The following EFL1 variants were observed in gnomAD, a reference collection of about 807,000 sequenced individuals.
The protein encoded by EFL1 is elongation factor-like GTPase 1.
A neutral mutation model predicts 126.7 loss-of-function variants in EFL1; 76 were observed. The ratio of observed to expected loss-of-function variants is 0.60; its 90% CI spans 0.50 to 0.73. EFL1 has a LOEUF of 0.73. EFL1 is among the 30% of genes least tolerant of loss of function. The probability of loss-of-function intolerance (pLI) is 0.00; values close to 1 mark genes in which losing one functional copy is unlikely to be tolerated. For synonymous variants in EFL1, 410 were observed against 448.4 expected, an observed-to-expected ratio of 0.91 and a Z score of 1.08; for missense variants, 1,128 against 1,343.2, an observed-to-expected ratio of 0.84 and a Z score of 2.50.
chr15:82,223,438 G>A (rs1253690926), intron 12 of EFL1, among the ~76,000 whole-genome samples: 1 of 152,052 alleles, frequency 6.6e-6, no homozygotes, highest in Admixed American at 6.6e-5. Flanking sequence ...AGAATGGATT[G>A]CACTATCAGA....
intron 19 of EFL1, among the ~76,000 whole-genome samples, chr15:82,131,279 CTTATTA>C (rs1374913257): frequency 6.6e-6 from 1 of 152,086 alleles, no homozygotes; most frequent in African/African-American, 2.4e-5. Flanking sequence ...TAACTACACT[CTTATTA>C]TTATTACATA....
intron 18 of EFL1, among the ~76,000 whole-genome samples, chr15:82,145,937 A>T (rs1392960256): frequency 2.0e-5 from 3 of 152,036 alleles, no homozygotes; most frequent in Non-Finnish European, 4.4e-5. Context: ...AAGATTTTTT[A>T]AAAATGAAGA....
chr15:82,228,205 G>A lies in EFL1; in HGVS notation c.1055C>T (p.Ser352Phe). ...ATAAAGGATACCAAGAACAGCATGG[G>A]ATATGGGTAGCCACTGACTGCAAAT... ...NAICSQWLPI[S>F]HAVLAMVCQK... The change falls in exon 10 of 20, where the codon TCC becomes TTC. Residue 352 changes from serine to phenylalanine, a missense_variant. Physicochemically the swap from Ser to Phe is radical, Grantham distance 155 (BLOSUM62 -2). Around this residue, in one of 6 missense-constraint regions of EFL1, gnomAD observed 316 missense variants for 318.5 expected, o/e 0.99. Transcript: ENST00000268206. 1 of 1,613,096 alleles carries A rather than the reference G, an allele frequency of 6.2e-7. No individual in the cohort carries two copies. Among genetic ancestry groups the A allele is most frequent in the Non-Finnish European group, 8.5e-7 (1 of 1,179,756 alleles).
chr15:82,219,414 C>T (rs1253454022), intron 14 of EFL1, among the ~76,000 whole-genome samples: 1 of 152,170 alleles, frequency 6.6e-6, no homozygotes, highest in Non-Finnish European at 1.5e-5. Context: ...AGAGAAAAGC[C>T]TTATAATTAA....
intron 15 of EFL1, among the ~76,000 whole-genome samples, chr15:82,203,973 T>C (rs538735841): frequency 2.6e-5 from 4 of 152,334 alleles, no homozygotes; most frequent in East Asian, 1.9e-4. Context: ...GATTGCTACA[T>C]CCTGTTGTCA....
At chr15:82,161,775 T>C (rs1474357409) in intron 16 of EFL1, among the ~76,000 whole-genome samples, 1 of 152,172 alleles carries the variant, frequency 6.6e-6, no homozygotes, top group Non-Finnish European at 1.5e-5. Flanking sequence ...ATCTCATTTA[T>C]GGAAAGGAAA....
intron 15 of EFL1, among the ~76,000 whole-genome samples, chr15:82,173,075 T>G (rs2074153803): frequency 6.6e-6 from 1 of 152,030 alleles, no homozygotes; most frequent in Non-Finnish European, 1.5e-5. Context: ...AAAAAAATGT[T>G]CAAAAGTATT....
chr15:82,171,669 C>T (rs1297591423), intron 15 of EFL1, among the ~76,000 whole-genome samples: 2 of 152,018 alleles, frequency 1.3e-5, no homozygotes, highest in Non-Finnish European at 2.9e-5. Context: ...AACTTCAAAA[C>T]AAAAGATACC....
intron 15 of EFL1, among the ~76,000 whole-genome samples, chr15:82,207,305 T>TACAC (rs533413907): frequency 0.056 from 6,813 of 122,528 alleles, 228 homozygotes; most frequent in African/African-American, 0.11. Context: ...TATATATATA[T>TACAC]ATACACACAC....
chr15:82,147,232 C>T (rs1465337563), intron 18 of EFL1, among the ~76,000 whole-genome samples: 1 of 152,096 alleles, frequency 6.6e-6, no homozygotes. Flanking sequence ...AGATGGCAAT[C>T]TGGGGAGAAA....
rs1283732604 is a variant in EFL1, at chr15:82,138,753, C to G, written c.3079G>C (p.Val1027Leu). ...CCAAAGCTTTCAGCAACAGGCAGCA[C>G]AGCCTTGATGATGAACATGTCTGTC... Reference protein sequence around the residue: ...EGTDMFIIKAVLPVAESFGFA... With the variant: ...EGTDMFIIKALLPVAESFGFA... The change falls in exon 19 of 20, where the codon GTG (valine) becomes CTG (leucine). Residue 1027 changes from valine to leucine, a missense_variant. Physicochemically the swap from Val to Leu is conservative, Grantham distance 32. Around this residue, in one of 6 missense-constraint regions of EFL1, gnomAD observed 561 missense variants for 641.7 expected, o/e 0.87. Coordinates refer to ENST00000268206, the MANE Select transcript of EFL1 (RefSeq NM_024580.6). The G allele has an allele frequency of 6.2e-7, 1 of 1,614,048 alleles. No homozygotes were observed. The highest frequency in any genetic ancestry group is 1.1e-5 in the South Asian group (1 of 91,076).
At chr15:82,143,379 A>C (rs1262750115) in intron 18 of EFL1, among the ~76,000 whole-genome samples, 1 of 152,240 alleles carries the variant, frequency 6.6e-6, no homozygotes, top group Admixed American at 6.5e-5. Flanking sequence ...GAAAATGGGA[A>C]ATAAAGTTGG....
At chr15:82,256,547 G>A (rs1158261904) in intron 3 of EFL1, among the ~76,000 whole-genome samples, 1 of 152,174 alleles carries the variant, frequency 6.6e-6, no homozygotes, top group Non-Finnish European at 1.5e-5. Context: ...GGGTGTGACA[G>A]CCATTCTTGC....
intron 16 of EFL1, 22 bp from the exon 17 acceptor site, chr15:82,157,882 G>T: frequency 6.2e-7 from 1 of 1,603,322 alleles, no homozygotes; most frequent in South Asian, 1.1e-5. Context: ...AAACGAAATA[G>T]ATTAAATATG....
rs573037188 is a variant in EFL1, at chr15:82,130,685, C to T, written c.3175-124G>A. 5.4e-5 allele frequency: 54 copies of T among 998,074 alleles called. 1 individual carries two copies. The South Asian group carries it at 8.8e-4, about 16-fold the overall frequency. The allele number at this position is 998,074 out of a possible 1,614,324, so 61.8% of individuals were successfully genotyped here. On this transcript the variant is annotated intron_variant, in intron 19 of 19. Transcript: ENST00000268206. ...AAAAGTTAGGCAATGAACAGCTAAGCTTGCTAGGAATGGTAATAAGTATGA... is the reference window on the plus strand; with the variant it reads ...AAAAGTTAGGCAATGAACAGCTAAGTTTGCTAGGAATGGTAATAAGTATGA...
At chr15:82,194,081 T>C (rs2074385728) in intron 15 of EFL1, among the ~76,000 whole-genome samples, 1 of 152,200 alleles carries the variant, frequency 6.6e-6, no homozygotes, top group African/African-American at 2.4e-5. Flanking sequence ...TACTGAAGAC[T>C]CACTTGGGAG....
intron 15 of EFL1, among the ~76,000 whole-genome samples, chr15:82,191,507 G>T (rs1451137909): frequency 6.6e-6 from 1 of 152,006 alleles, no homozygotes; most frequent in Non-Finnish European, 1.5e-5. Context: ...GAAAACATAA[G>T]GTGGTAGTAT....
intron 17 of EFL1, among the ~76,000 whole-genome samples, chr15:82,154,099 T>C (rs938586768): frequency 6.6e-6 from 1 of 152,158 alleles, no homozygotes; most frequent in African/African-American, 2.4e-5. Flanking sequence ...TCTCCTGTAG[T>C]AATCATTTAT....
intron 5 of EFL1, 112 bp from the exon 6 acceptor site, chr15:82,240,667 C>A: frequency 2.4e-6 from 3 of 1,241,298 alleles, no homozygotes; most frequent in Non-Finnish European, 3.4e-6. Context: ...CAAAGGTATT[C>A]ATTAGGCATT....
Sources: gnomAD v4.1 joint callset for allele counts (sites outside exome capture counted in the v4.1 genomes callset) on GRCh38, gnomAD v4.1.1 for gene constraint, gnomAD v4.1.1 regional missense constraint, MANE v1.5 for transcripts, NCBI Gene and HGNC (gene_info 2026-07-23, HGNC 2026-07-21) for gene names.